Variants in NPAS3 observed in about 807,000 individuals in gnomAD.
The protein encoded by NPAS3 is neuronal PAS domain protein 3, also known as neuronal PAS domain-containing protein 3.
NPAS3 carries 14 observed loss-of-function variants against 73.1 expected under a neutral mutation model. That is an observed-to-expected ratio of 0.19 (90% CI 0.13 to 0.30). The LOEUF is 0.30. NPAS3 is among the 10% of genes least tolerant of loss of function. NPAS3 has a pLI of 1.00. For synonymous variants in NPAS3, 620 were observed against 541.5 expected (o/e 1.14, Z -2.01); for missense variants, 1,096 against 1,250.0 (o/e 0.88, Z 1.86).
chr14:33,507,213 A>G (rs1456476266), intron 4 of NPAS3, among the ~76,000 whole-genome samples: 1 of 152,024 alleles, frequency 6.6e-6, no homozygotes, highest in Admixed American at 6.6e-5. Context: ...TAGAGAACGT[A>G]AGGATAGAAT....
At chr14:33,467,926 A>G (rs1194555713) in intron 4 of NPAS3, among the ~76,000 whole-genome samples, 1 of 152,204 alleles carries the variant, frequency 6.6e-6, no homozygotes, top group East Asian at 1.9e-4. Context: ...GAACTAGACC[A>G]GAGATGGATA....
At chr14:33,582,478 G>T (rs1433838782) in intron 5 of NPAS3, among the ~76,000 whole-genome samples, 1 of 152,140 alleles carries the variant, frequency 6.6e-6, no homozygotes. Flanking sequence ...TGTCAATATT[G>T]TTATACCATG....
At chr14:33,780,490 G>A (rs576193673) in intron 9 of NPAS3, 107 of 387,176 alleles carry the variant, frequency 2.8e-4, no homozygotes, top group South Asian at 2.0e-3. Context: ...TGCAGAGGGA[G>A]ATGCCTTCTC....
chr14:33,363,992 T>G (rs2045725057), intron 3 of NPAS3, among the ~76,000 whole-genome samples: 1 of 151,912 alleles, frequency 6.6e-6, no homozygotes, highest in South Asian at 2.1e-4. Context: ...GTTCTTTAAA[T>G]TTCAGAAAAT....
intron 1 of NPAS3, among the ~76,000 whole-genome samples, chr14:32,979,384 C>A (rs979115894): frequency 1.3e-5 from 2 of 152,016 alleles, no homozygotes; most frequent in Non-Finnish European, 2.9e-5. Flanking sequence ...ATTCTATGCA[C>A]CACTGAATTA....
At chr14:33,044,056 T>C (rs926446835) in intron 1 of NPAS3, among the ~76,000 whole-genome samples, 1 of 152,190 alleles carries the variant, frequency 6.6e-6, no homozygotes, top group Non-Finnish European at 1.5e-5. Flanking sequence ...ATCAAACCAA[T>C]GTTAGTATCA....
chr14:33,721,797 C>A (rs146403515), intron 6 of NPAS3, among the ~76,000 whole-genome samples: 35 of 152,262 alleles, frequency 2.3e-4, no homozygotes, highest in Non-Finnish European at 4.1e-4. Flanking sequence ...TGAACCTTTA[C>A]GTCATTTCCA....
chr14:33,257,664 A>G (rs1432633075), intron 3 of NPAS3, among the ~76,000 whole-genome samples: 3 of 152,226 alleles, frequency 2.0e-5, no homozygotes, highest in South Asian at 2.1e-4. Context: ...TCCTCAAAAC[A>G]TCTTCTGTGC....
chr14:33,051,424 T>C (rs563789122), intron 1 of NPAS3, among the ~76,000 whole-genome samples: 9 of 152,322 alleles, frequency 5.9e-5, no homozygotes, highest in Non-Finnish European at 1.0e-4. Context: ...CATAGTAGTA[T>C]ACTCATGTTG....
chr14:33,413,570 A>G (rs1233911953), intron 4 of NPAS3, among the ~76,000 whole-genome samples: 1 of 152,180 alleles, frequency 6.6e-6, no homozygotes, highest in East Asian at 1.9e-4. Context: ...ATATGGAAGT[A>G]ACTGCAGTAA....
intron 4 of NPAS3, among the ~76,000 whole-genome samples, chr14:33,468,584 C>T (rs2050637453): frequency 6.6e-6 from 1 of 152,098 alleles, no homozygotes; most frequent in Non-Finnish European, 1.5e-5. Flanking sequence ...GCACTAATTC[C>T]AGAGATTCAG....
At chr14:33,737,007 A>G (rs1249861014) in intron 7 of NPAS3, among the ~76,000 whole-genome samples, 1 of 152,152 alleles carries the variant, frequency 6.6e-6, no homozygotes, top group Non-Finnish European at 1.5e-5. Flanking sequence ...AACATTCCTA[A>G]AGTGTTTTTG....
rs978249424 is a variant in NPAS3 at position 33,088,111 on chromosome 14, C to T, written c.140+32117C>T. Among the ~76,000 whole-genome samples the T allele has an allele frequency of 7.2e-5, 11 of 152,296 alleles. No homozygotes were observed. The East Asian group carries it at 9.7e-4, about 13-fold the overall frequency. ...TCCAGTCTACAGTTCCTAGTGTGAG[C>T]GACACAGAAGATGGGGGATTTCTGC... On this transcript the variant is annotated intron_variant, in intron 2 of 11. Coordinates refer to ENST00000356141, the Ensembl canonical transcript of NPAS3.
At chr14:33,595,646 C>T (rs2057214601) in intron 5 of NPAS3, among the ~76,000 whole-genome samples, 1 of 151,878 alleles carries the variant, frequency 6.6e-6, no homozygotes, top group African/African-American at 2.4e-5. Context: ...GAAAGAAAAC[C>T]TTGATGCCTA....
intron 1 of NPAS3, among the ~76,000 whole-genome samples, chr14:32,984,132 A>G (rs1217352061): frequency 6.6e-6 from 1 of 152,228 alleles, no homozygotes; most frequent in Non-Finnish European, 1.5e-5. Flanking sequence ...GTAACACATT[A>G]TATGGTTTCC....
At chr14:33,057,118 A>G (rs2040917947) in intron 2 of NPAS3, among the ~76,000 whole-genome samples, 1 of 152,190 alleles carries the variant, frequency 6.6e-6, no homozygotes, top group South Asian at 2.1e-4. Context: ...TCTGAAATAG[A>G]CACAAAGTGG....
intron 9 of NPAS3, among the ~76,000 whole-genome samples, chr14:33,784,117 A>G (rs963438585): frequency 6.6e-6 from 1 of 152,220 alleles, no homozygotes; most frequent in Non-Finnish European, 1.5e-5. Flanking sequence ...CAGAGTATAC[A>G]TAGTACTAAT....
intron 4 of NPAS3, among the ~76,000 whole-genome samples, chr14:33,424,103 T>C (rs1434343511): frequency 6.6e-6 from 1 of 151,538 alleles, no homozygotes; most frequent in African/African-American, 2.4e-5. Flanking sequence ...GAGAGGCAAA[T>C]GGTGCCACAT....
chr14:33,007,075 A>T (rs1435461476), intron 1 of NPAS3, among the ~76,000 whole-genome samples: 1 of 152,250 alleles, frequency 6.6e-6, no homozygotes, highest in Non-Finnish European at 1.5e-5. Flanking sequence ...TGTCACAGTC[A>T]GTGGCAATAT....
Sources: gnomAD v4.1 joint callset for allele counts (sites outside exome capture counted in the v4.1 genomes callset) on GRCh38, gnomAD v4.1.1 for gene constraint, MANE v1.5 for transcripts, NCBI Gene and HGNC (gene_info 2026-07-23, HGNC 2026-07-21) for gene names.